Variants in FIG4 observed in about 807,000 individuals in gnomAD.
FIG4 encodes FIG4 phosphoinositide 5-phosphatase, also known as polyphosphoinositide phosphatase.
In FIG4, 112 loss-of-function variants were observed where a neutral mutation model predicts 118.6. That is an observed-to-expected ratio of 0.94 (90% CI 0.81 to 1.11). The LOEUF is 1.11. Among genes scored for constraint, FIG4 ranks in the 50% least tolerant of loss-of-function variants. FIG4 has a pLI of 0.00. For synonymous variants in FIG4, 369 were observed against 381.2 expected (o/e 0.97, Z 0.37); for missense variants, 969 against 1,111.7 (o/e 0.87, Z 1.83).
intron 22 of FIG4, among the ~76,000 whole-genome samples, chr6:109,820,103 C>G (rs922991941): frequency 6.6e-6 from 1 of 152,150 alleles, no homozygotes; most frequent in Admixed American, 6.5e-5. Flanking sequence ...CAGGCAGGTA[C>G]TGGTCCAACT....
Position 109,825,273 on chromosome 6 carries a change from G to C in FIG4, c.*8G>C. The C allele has an allele frequency of 6.2e-7, 1 of 1,612,104 alleles. No homozygotes were observed. The highest frequency in any genetic ancestry group is 8.5e-7 in the Non-Finnish European group (1 of 1,178,272). On this transcript the variant is annotated 3_prime_UTR_variant, in exon 23 of 23. Transcript: ENST00000230124. ...AGGAACCGCTACCTGTGAAAAGAGC[G>C]CAGGTCCACCTGGTGGACACGTCTG...
At chr6:109,722,950 GGA>G (rs1775654129) in intron 3 of FIG4, among the ~76,000 whole-genome samples, 2 of 151,802 alleles carry the variant, frequency 1.3e-5, no homozygotes, top group East Asian at 3.9e-4. Context: ...GAGAGAGGAA[GGA>G]GCCCTGCCTT....
chr6:109,740,035 G>T (rs952333496), intron 7 of FIG4, among the ~76,000 whole-genome samples: 14 of 152,110 alleles, frequency 9.2e-5, no homozygotes, highest in African/African-American at 2.9e-4. Context: ...CCAGTGAGTG[G>T]TATTATCTGG....
intron 13 of FIG4, among the ~76,000 whole-genome samples, 197 bp downstream of exon 13, chr6:109,764,179 T>C (rs1010455855): frequency 6.6e-6 from 1 of 152,054 alleles, no homozygotes; most frequent in African/African-American, 2.4e-5. Context: ...TGGCTCATGC[T>C]TGTAATCCCA....
At chr6:109,722,314 C>T (rs117962793) in intron 3 of FIG4, among the ~76,000 whole-genome samples, 1 of 151,744 alleles carries the variant, frequency 6.6e-6, no homozygotes, top group Non-Finnish European at 1.5e-5. Flanking sequence ...GCATTTTTTT[C>T]GCAGTGGCAT....
chr6:109,725,827 A>G (rs550266542), intron 3 of FIG4, among the ~76,000 whole-genome samples: 16 of 152,068 alleles, frequency 1.1e-4, no homozygotes, highest in Admixed American at 9.2e-4. Context: ...TGCGGTTTTG[A>G]TTTGCATTTC....
At chr6:109,716,899 G>GT (rs1775449408) in intron 3 of FIG4, among the ~76,000 whole-genome samples, 2 of 152,024 alleles carry the variant, frequency 1.3e-5, no homozygotes, top group Non-Finnish European at 2.9e-5. Context: ...CCTGCCATTC[G>GT]TCAGCTGGAG....
chr6:109,773,877 G>T (rs909329244), intron 15 of FIG4, among the ~76,000 whole-genome samples: 1 of 151,914 alleles, frequency 6.6e-6, no homozygotes, highest in Non-Finnish European at 1.5e-5. Context: ...TCCCTATGTT[G>T]CCCAGGCTGG....
intron 10 of FIG4, among the ~76,000 whole-genome samples, chr6:109,759,812 T>A (rs1777045096): frequency 6.6e-6 from 1 of 152,268 alleles, no homozygotes; most frequent in Non-Finnish European, 1.5e-5. Context: ...CTGTGAAGGC[T>A]GAGAAGCTGC....
intron 10 of FIG4, among the ~76,000 whole-genome samples, chr6:109,746,776 C>T (rs138199557): frequency 2.4e-4 from 36 of 152,166 alleles, no homozygotes; most frequent in African/African-American, 7.5e-4. Flanking sequence ...ACAAATGGAT[C>T]GGTACAAGGC....
chr6:109,759,711 A>G (rs1002786964), intron 10 of FIG4, among the ~76,000 whole-genome samples: 1 of 152,230 alleles, frequency 6.6e-6, no homozygotes, highest in African/African-American at 2.4e-5. Context: ...ATGCCTCTCC[A>G]CCTCAATTCA....
At chr6:109,692,268 A>C (rs189479508) in intron 1 of FIG4, among the ~76,000 whole-genome samples, 1 of 152,224 alleles carries the variant, frequency 6.6e-6, no homozygotes, top group Non-Finnish European at 1.5e-5. Flanking sequence ...TTGGGGTGCC[A>C]CAGTGATATT....
At chr6:109,798,280 G>C (rs773666025) in intron 22 of FIG4, among the ~76,000 whole-genome samples, 2 of 152,130 alleles carry the variant, frequency 1.3e-5, no homozygotes, top group Non-Finnish European at 2.9e-5. Flanking sequence ...CTCAGAGAGT[G>C]GGGAACAAGA....
In FIG4 at chr6:109,710,495, TC is replaced by T. The variant is rs201204675; in HGVS notation, c.67-4581del. On this transcript the variant is annotated intron_variant, in intron 1 of 22. Coordinates refer to ENST00000230124, the MANE Select transcript of FIG4 (RefSeq NM_014845.6). ...GAATGAGTTAGGGAGGAGTCCCTCCTCCTCAGTTTTTTTGGAATAGTTTCAG... is the reference window on the plus strand; with the variant it reads ...GAATGAGTTAGGGAGGAGTCCCTCCTCTCAGTTTTTTTGGAATAGTTTCAG... 9.3e-3 allele frequency among the ~76,000 whole-genome samples: 1,420 copies of T among 152,314 alleles called. 13 individuals are homozygous for T. The highest frequency in any genetic ancestry group is 0.038 in the Middle Eastern group (11 of 292).
intron 22 of FIG4, among the ~76,000 whole-genome samples, chr6:109,806,124 T>C (rs1778557834): frequency 6.6e-6 from 1 of 152,238 alleles, no homozygotes; most frequent in African/African-American, 2.4e-5. Context: ...CTAAAGATTT[T>C]GCTTTTACTT....
At chr6:109,818,559 T>G (rs1313946625) in intron 22 of FIG4, among the ~76,000 whole-genome samples, 1 of 152,210 alleles carries the variant, frequency 6.6e-6, no homozygotes, top group East Asian at 1.9e-4. Flanking sequence ...TTAGGTAGGC[T>G]GTTAATCTCT....
intron 10 of FIG4, among the ~76,000 whole-genome samples, chr6:109,754,522 T>C (rs1776818570): frequency 6.6e-6 from 1 of 152,198 alleles, no homozygotes; most frequent in Non-Finnish European, 1.5e-5. Context: ...ATGGTACCAG[T>C]TCCTCCTTGT....
chr6:109,794,993 T>A (rs1474341579), intron 21 of FIG4, among the ~76,000 whole-genome samples: 1 of 152,140 alleles, frequency 6.6e-6, no homozygotes, highest in African/African-American at 2.4e-5. Flanking sequence ...CCCCGCTGTC[T>A]ATGTCTTCCT....
At chr6:109,717,119 C>G (rs367654779) in intron 3 of FIG4, among the ~76,000 whole-genome samples, 31 of 150,962 alleles carry the variant, frequency 2.1e-4, no homozygotes, top group African/African-American at 7.1e-4. Context: ...CCCACATTTA[C>G]TTGGACAACC....
Sources: allele counts gnomAD v4.1 joint callset (sites outside exome capture counted in the v4.1 genomes callset), GRCh38; gene constraint gnomAD v4.1.1; transcripts MANE v1.5; gene names NCBI Gene and HGNC (gene_info 2026-07-23, HGNC 2026-07-21).